Variants in MICAL2 observed in about 807,000 individuals in gnomAD.
MICAL2 encodes the protein microtubule associated monooxygenase, calponin and LIM domain containing 2.
In MICAL2, 77 loss-of-function variants were observed where a neutral mutation model predicts 127.3. That is an observed-to-expected ratio of 0.60 (90% CI 0.50 to 0.73). The LOEUF is 0.73. Ranked by LOEUF, MICAL2 falls within the 30% of genes least tolerant of loss-of-function variation. The pLI, the probability that MICAL2 is intolerant of heterozygous loss-of-function variation, is 0.00. For missense variants in MICAL2, 1,351 were observed against 1,434.4 expected, an observed-to-expected ratio of 0.94 and a Z score of 0.94; for synonymous variants, 570 against 551.1, an observed-to-expected ratio of 1.03 and a Z score of -0.48.
At chr11:12,317,828 A>G (rs1442879876) in intron 29 of MICAL2, among the ~76,000 whole-genome samples, 2 of 151,912 alleles carry the variant, frequency 1.3e-5, no homozygotes, top group African/African-American at 4.8e-5. Flanking sequence ...TTGGTTCTGT[A>G]ATGGAGAGAG....
In MICAL2 at chr11:12,244,153, G is replaced by C. The variant is rs377433253; in HGVS notation, c.2784+41G>C. 3.1e-6 allele frequency: 5 copies of C among 1,611,022 alleles called. No individual in the cohort carries two copies. In the East Asian group the frequency reaches 1.1e-4, roughly 36 times the overall value. On this transcript the variant is annotated intron_variant, in intron 21 of 27. Coordinates refer to ENST00000683283, the MANE Select transcript of MICAL2 (RefSeq NM_001282663.2). ...AATTTGCTTTCCCTATTCCCTGCAT[G>C]TTCCCAGATGTTCTCATGCTCCACT...
At chr11:12,190,441 T>C (rs1858951070) in intron 3 of MICAL2, among the ~76,000 whole-genome samples, 1 of 152,232 alleles carries the variant, frequency 6.6e-6, no homozygotes, top group African/African-American at 2.4e-5. Context: ...TCTAACTGGC[T>C]TTGTGACATC....
intron 2 of MICAL2, among the ~76,000 whole-genome samples, chr11:12,161,019 C>T (rs1251442611): frequency 6.6e-6 from 1 of 152,234 alleles, no homozygotes; most frequent in African/African-American, 2.4e-5. Flanking sequence ...CTGCTGACCT[C>T]CTCTTACCAG....
chr11:12,176,538 T>A (rs1452450234), intron 3 of MICAL2, among the ~76,000 whole-genome samples: 2 of 152,186 alleles, frequency 1.3e-5, no homozygotes, highest in Non-Finnish European at 2.9e-5. Context: ...CACAGTTCAG[T>A]GGCAATACAT....
intron 1 of MICAL2, among the ~76,000 whole-genome samples, chr11:12,120,246 T>C (rs1176376547): frequency 1.3e-5 from 2 of 152,166 alleles, no homozygotes; most frequent in Non-Finnish European, 2.9e-5. Flanking sequence ...AAGGACCATA[T>C]GTTGACAGAG....
At position 12,241,023 on chromosome 11, in the gene MICAL2, C is replaced by A; in HGVS notation, c.2215-17C>A. On this transcript the variant is annotated splice_polypyrimidine_tract_variant and intron_variant, in intron 17 of 27. Transcript: ENST00000683283. The stretch of plus-strand genomic sequence containing the variant: ...TCTCCTGTGGCTGCTTTTTTGGACT[C>A]GCCTTTCTTCTCCCAGGAACGCCGT... 6.2e-7 allele frequency: 1 copy of A among 1,611,276 alleles called. No individual in the cohort carries two copies. Among genetic ancestry groups the A allele is most frequent in the Non-Finnish European group, 8.5e-7 (1 of 1,178,776 alleles).
chr11:12,162,856 T>C (rs559216809), intron 3 of MICAL2, among the ~76,000 whole-genome samples: 19 of 152,198 alleles, frequency 1.2e-4, no homozygotes, highest in South Asian at 4.1e-4. Flanking sequence ...GTCACACAAC[T>C]AGAGGGCAAC....
intron 3 of MICAL2, among the ~76,000 whole-genome samples, chr11:12,176,443 C>T (rs1392294187): frequency 1.3e-5 from 2 of 152,170 alleles, no homozygotes; most frequent in Non-Finnish European, 2.9e-5. Context: ...TTAATCGCCT[C>T]CTTCTACTTC....
chr11:12,134,445 C>T (rs944667740), intron 1 of MICAL2, among the ~76,000 whole-genome samples: 1 of 152,162 alleles, frequency 6.6e-6, no homozygotes, highest in African/African-American at 2.4e-5. Flanking sequence ...CTGGGCTGCT[C>T]GCTGTTGGTT....
intron 3 of MICAL2, among the ~76,000 whole-genome samples, chr11:12,193,252 G>T (rs1261840460): frequency 2.2e-4 from 34 of 152,248 alleles, no homozygotes; most frequent in Admixed American, 2.2e-3. Context: ...TGTGGACATA[G>T]CAGCCGGTCC....
At chr11:12,261,567 C>T (rs1020853418) in intron 26 of MICAL2, 2 of 985,434 alleles carry the variant, frequency 2.0e-6, no homozygotes, top group Non-Finnish European at 2.4e-6. Flanking sequence ...GTTGCTGGGC[C>T]CAAGATAGCT....
In MICAL2 at chr11:12,280,484, G is replaced by A. The variant is rs547109465; in HGVS notation, c.88-449G>A. ...TGGAGGCTGGAAGTCTGAGATCAAG[G>A]TGTGGGCAGGGTTGGTTCCTACTGG... On this transcript the variant is annotated intron_variant, in intron 1 of 2. Coordinates refer to the MICAL2 transcript ENST00000529028. Among the ~76,000 whole-genome samples the A allele has an allele frequency of 5.9e-5, 9 of 152,344 alleles. No homozygotes were observed. The South Asian group carries it at 1.9e-3, about 32-fold the overall frequency.
intron 2 of MICAL2, among the ~76,000 whole-genome samples, chr11:12,148,479 G>A (rs553212234): frequency 6.6e-6 from 1 of 152,304 alleles, no homozygotes; most frequent in East Asian, 1.9e-4. Context: ...AAGCTGGTGA[G>A]TTGGGAAGGG....
chr11:12,261,538 G>A (rs567253267), intron 26 of MICAL2: 5 of 985,468 alleles, frequency 5.1e-6, no homozygotes, highest in African/African-American at 1.7e-5. Context: ...GGCCATCTAC[G>A]GTGCGCAGTG....
chr11:12,244,751 G>C (rs1337579839), intron 21 of MICAL2, among the ~76,000 whole-genome samples: 1 of 152,174 alleles, frequency 6.6e-6, no homozygotes, highest in South Asian at 2.1e-4. Context: ...AAGGCAGGCA[G>C]GCAGGGCTTA....
intron 21 of MICAL2, among the ~76,000 whole-genome samples, chr11:12,246,831 T>C (rs529975498): frequency 6.6e-6 from 1 of 152,290 alleles, no homozygotes; most frequent in East Asian, 1.9e-4. Flanking sequence ...AGGATATGTA[T>C]TGATGAATAA....
chr11:12,201,684 G>C (rs1301401707), intron 3 of MICAL2, among the ~76,000 whole-genome samples: 1 of 152,190 alleles, frequency 6.6e-6, no homozygotes, highest in African/African-American at 2.4e-5. Context: ...GTCATTGTGG[G>C]GAAGTATCCT....
intron 32 of MICAL2, among the ~76,000 whole-genome samples, chr11:12,334,094 G>A (rs552261447): frequency 1.3e-5 from 2 of 152,200 alleles, no homozygotes; most frequent in African/African-American, 2.4e-5. Context: ...TTGACCTCAA[G>A]TTGTTAGTCA....
intron 3 of MICAL2, among the ~76,000 whole-genome samples, chr11:12,179,368 C>T (rs12282110): frequency 0.18 from 27,073 of 152,090 alleles, 3,060 homozygotes; most frequent in Non-Finnish European, 0.23. Context: ...TCCACCTCCT[C>T]GTACCTCTCA....
Sources: allele counts gnomAD v4.1 joint callset (sites outside exome capture counted in the v4.1 genomes callset), GRCh38; gene constraint gnomAD v4.1.1; transcripts MANE v1.5; gene names NCBI Gene and HGNC (gene_info 2026-07-23, HGNC 2026-07-21).